BAZ2B: variants seen among roughly 807,000 people sequenced by gnomAD.
The protein encoded by BAZ2B is bromodomain adjacent to zinc finger domain 2B.
BAZ2B carries 91 observed loss-of-function variants against 246.0 expected under a neutral mutation model. The observed-to-expected ratio is 0.37, with a 90% CI of 0.31 to 0.44. The LOEUF (loss-of-function observed/expected upper bound fraction) is 0.44, where lower values mean the gene tolerates loss of function less well. Ranked by LOEUF, BAZ2B falls within the 20% of genes least tolerant of loss-of-function variation. The pLI is 1.00. For synonymous variants in BAZ2B, 855 were observed against 860.0 expected, an observed-to-expected ratio of 0.99 and a Z score of 0.10; for missense variants, 2,332 against 2,533.7, an observed-to-expected ratio of 0.92 and a Z score of 1.71.
the BAZ2B span, among the ~76,000 whole-genome samples, chr2:159,687,417 G>C: frequency 3.3e-5 from 5 of 152,270 alleles, no homozygotes; most frequent in East Asian, 9.7e-4. Flanking sequence ...AGAAAGGGTG[G>C]AGACTGTAGT....
intron 3 of BAZ2B, among the ~76,000 whole-genome samples, chr2:159,454,106 C>T (rs1413437290): frequency 6.6e-6 from 1 of 151,950 alleles, no homozygotes. Flanking sequence ...GGCCAATTTT[C>T]TGTTAATATA....
chr2:159,673,398 T>G, the BAZ2B span, among the ~76,000 whole-genome samples: 1 of 152,302 alleles, frequency 6.6e-6, no homozygotes, highest in African/African-American at 2.4e-5. Context: ...AACTTAACCA[T>G]TGCTGGTGGG....
chr2:159,382,423 G>T, intron 25 of BAZ2B, 136 bp downstream of exon 25: 1 of 929,626 alleles, frequency 1.1e-6, no homozygotes, highest in Non-Finnish European at 1.6e-6. Flanking sequence ...TGTAATATTT[G>T]TTTTTCAGAT....
At chr2:159,683,429 A>G in the BAZ2B span, among the ~76,000 whole-genome samples, 26 of 152,190 alleles carry the variant, frequency 1.7e-4, no homozygotes, top group Non-Finnish European at 5.9e-5. Context: ...ATATTGTTCT[A>G]TAAGTTAAAA....
chr2:159,513,394 A>G (rs995579648), intron 2 of BAZ2B, among the ~76,000 whole-genome samples: 5 of 152,206 alleles, frequency 3.3e-5, no homozygotes. Flanking sequence ...AAGTAAGTCC[A>G]ATTCATTCTT....
the BAZ2B span, among the ~76,000 whole-genome samples, chr2:159,630,669 G>T: frequency 3.3e-5 from 5 of 151,992 alleles, no homozygotes; most frequent in Admixed American, 2.6e-4. Context: ...GAGTAGCTGG[G>T]ACTACAGGCG....
At chr2:159,599,375 T>C (rs985470634) in intron 1 of BAZ2B, among the ~76,000 whole-genome samples, 1 of 151,886 alleles carries the variant, frequency 6.6e-6, no homozygotes, top group Non-Finnish European at 1.5e-5. Context: ...TCCCAGCACT[T>C]TGGAAGGCTG....
the BAZ2B span, among the ~76,000 whole-genome samples, chr2:159,645,295 A>G: frequency 6.6e-6 from 1 of 151,598 alleles, no homozygotes; most frequent in Admixed American, 6.6e-5. Context: ...TTTTTTTTAA[A>G]TCACCTCTGC....
chr2:159,545,897 A>G (rs1252592111), intron 2 of BAZ2B, among the ~76,000 whole-genome samples: 2 of 152,228 alleles, frequency 1.3e-5, no homozygotes, highest in African/African-American at 2.4e-5. Context: ...TTACTGAAAT[A>G]TAGAAAAATA....
the BAZ2B span, among the ~76,000 whole-genome samples, chr2:159,640,569 A>G: frequency 6.6e-6 from 1 of 152,154 alleles, no homozygotes; most frequent in Non-Finnish European, 1.5e-5. Context: ...CTATGCAAAC[A>G]CATGAAAATT....
chr2:159,407,211 C>T (rs946247932), intron 14 of BAZ2B, among the ~76,000 whole-genome samples: 1 of 151,900 alleles, frequency 6.6e-6, no homozygotes, highest in Non-Finnish European at 1.5e-5. Context: ...GTGGCTCATG[C>T]CTGTAATCCC....
chr2:159,489,193 G>A (rs906897118), intron 2 of BAZ2B, among the ~76,000 whole-genome samples: 2 of 151,944 alleles, frequency 1.3e-5, no homozygotes, highest in Non-Finnish European at 2.9e-5. Flanking sequence ...AAACTTGATA[G>A]AAATGGAAAA....
chr2:159,517,457 G>A (rs1246435184), intron 2 of BAZ2B, among the ~76,000 whole-genome samples: 1 of 151,802 alleles, frequency 6.6e-6, no homozygotes, highest in East Asian at 1.9e-4. Context: ...AAAAAATCTA[G>A]ATAATTCTGT....
the BAZ2B span, among the ~76,000 whole-genome samples, chr2:159,646,869 G>C: frequency 0.063 from 9,640 of 152,170 alleles, 384 homozygotes; most frequent in Non-Finnish European, 0.091. Context: ...TTACATCTGA[G>C]AGCTTACCAG....
chr2:159,551,083 C>T (rs1012177963), intron 2 of BAZ2B, among the ~76,000 whole-genome samples: 3 of 152,130 alleles, frequency 2.0e-5, no homozygotes, highest in African/African-American at 7.2e-5. Flanking sequence ...AGCAATCCCC[C>T]CTGTTGGGCT....
At chr2:159,636,002 A>G in the BAZ2B span, among the ~76,000 whole-genome samples, 12 of 152,168 alleles carry the variant, frequency 7.9e-5, no homozygotes, top group Non-Finnish European at 1.5e-5. Flanking sequence ...GGCAGCAGTG[A>G]ACCATGTTCA....
At chr2:159,455,771 T>TTTG (rs2075685382) in intron 3 of BAZ2B, among the ~76,000 whole-genome samples, 1 of 143,726 alleles carries the variant, frequency 7.0e-6, no homozygotes, top group Non-Finnish European at 1.5e-5. Flanking sequence ...TGGTTTTTTT[T>TTTG]TTTTTTTTTT....
intron 1 of BAZ2B, among the ~76,000 whole-genome samples, chr2:159,596,084 C>T (rs1690632470): frequency 6.6e-6 from 1 of 152,160 alleles, no homozygotes. Flanking sequence ...CATGGAATCA[C>T]AGCTCGGTAT....
chr2:159,415,121 C>A (rs1227809085), intron 13 of BAZ2B, among the ~76,000 whole-genome samples: 2 of 151,948 alleles, frequency 1.3e-5, no homozygotes, highest in Non-Finnish European at 2.9e-5. Context: ...TCATCATAAG[C>A]CTCCTAGTGG....
Sources: allele counts gnomAD v4.1 joint callset (sites outside exome capture counted in the v4.1 genomes callset), GRCh38; gene constraint gnomAD v4.1.1; transcripts MANE v1.5; gene names NCBI Gene and HGNC (gene_info 2026-07-23, HGNC 2026-07-21).